NRXN3: variants seen among roughly 807,000 people sequenced by gnomAD.
NRXN3 encodes neurexin 3.
Under a neutral mutation model 137.6 loss-of-function variants are expected in NRXN3, and 32 were observed. The ratio of observed to expected loss-of-function variants is 0.23; its 90% CI spans 0.18 to 0.31. The LOEUF (loss-of-function observed/expected upper bound fraction) is 0.31, where lower values mean the gene tolerates loss of function less well. Ranked by LOEUF, NRXN3 falls within the 10% of genes least tolerant of loss-of-function variation. The pLI is 1.00. For synonymous variants in NRXN3, 798 were observed against 784.5 expected, an observed-to-expected ratio of 1.02 and a Z score of -0.29; for missense variants, 1,574 against 2,062.5, an observed-to-expected ratio of 0.76 and a Z score of 4.59.
intron 10 of NRXN3, among the ~76,000 whole-genome samples, chr14:78,870,398 A>C (rs1457720822): frequency 1.3e-5 from 2 of 152,168 alleles, no homozygotes; most frequent in Non-Finnish European, 2.9e-5. Context: ...ATTATTATGA[A>C]TACATTCCAG....
intron 9 of NRXN3, among the ~76,000 whole-genome samples, chr14:78,810,093 GTA>G (rs1266610792): frequency 6.6e-6 from 1 of 151,106 alleles, no homozygotes; most frequent in African/African-American, 2.4e-5. Flanking sequence ...ATACATATGT[GTA>G]TATATATGTG....
Position 79,424,822 on chromosome 14 carries a change from T to A in NRXN3, c.3263-42399T>A, listed in dbSNP as rs368630647. 2.1e-4 allele frequency among the ~76,000 whole-genome samples: 32 copies of A among 152,320 alleles called. 2 individuals carry two copies. In the East Asian group the frequency reaches 3.7e-3, roughly 17 times the overall value. ...TTCTGGGATTATGCAGGCGATACTT[T>A]GCTTTTGGAAAGAATGAAATATAGG... On this transcript the variant is annotated intron_variant, in intron 15 of 20. Coordinates refer to ENST00000335750, the MANE Select transcript of NRXN3 (RefSeq NM_001330195.2).
At chr14:78,332,855 T>C (rs1379357233) in intron 4 of NRXN3, among the ~76,000 whole-genome samples, 2 of 152,074 alleles carry the variant, frequency 1.3e-5, no homozygotes, top group African/African-American at 4.8e-5. Context: ...GTATCACACT[T>C]TGTAATTTTC....
chr14:78,503,041 A>G (rs1466030349), intron 4 of NRXN3, among the ~76,000 whole-genome samples: 1 of 152,178 alleles, frequency 6.6e-6, no homozygotes, highest in African/African-American at 2.4e-5. Flanking sequence ...AAGCAGTGCC[A>G]TATTATTTTA....
intron 15 of NRXN3, among the ~76,000 whole-genome samples, chr14:79,145,381 A>T (rs923523795): frequency 6.6e-6 from 1 of 152,180 alleles, no homozygotes; most frequent in Non-Finnish European, 1.5e-5. Context: ...ACCGAAAGTC[A>T]TATCTCACTT....
rs1432043442 is a variant in NRXN3 at position 78,183,630 on chromosome 14, T to C, written c.-704+12956T>C. On this transcript the variant is annotated intron_variant, in intron 1 of 20. Coordinates refer to ENST00000335750, the MANE Select transcript of NRXN3 (RefSeq NM_001330195.2). ...TCCTGCAGGTGAGTGAGTCTGCACATGGGGACAAGTGCCCCGTGAGATAGA... is the reference window on the plus strand; with the variant it reads ...TCCTGCAGGTGAGTGAGTCTGCACACGGGGACAAGTGCCCCGTGAGATAGA... Among the ~76,000 whole-genome samples, 4 of 152,206 alleles carry C rather than the reference T, an allele frequency of 2.6e-5. No individual in the cohort carries two copies. The East Asian group carries it at 7.7e-4, about 29-fold the overall frequency.
intron 4 of NRXN3, among the ~76,000 whole-genome samples, chr14:78,385,907 AT>A (rs2089904770): frequency 6.6e-6 from 1 of 152,156 alleles, no homozygotes; most frequent in African/African-American, 2.4e-5. Flanking sequence ...ACCTGTGACA[AT>A]TGTTAGACCA....
At chr14:78,843,723 T>G (rs2099019084) in intron 10 of NRXN3, among the ~76,000 whole-genome samples, 1 of 152,128 alleles carries the variant, frequency 6.6e-6, no homozygotes, top group African/African-American at 2.4e-5. Flanking sequence ...AATTAGGAGT[T>G]TCTGCTCCTG....
intron 6 of NRXN3, among the ~76,000 whole-genome samples, chr14:78,661,837 AGCT>A (rs2097844305): frequency 6.6e-6 from 1 of 152,020 alleles, no homozygotes; most frequent in African/African-American, 2.4e-5. Flanking sequence ...CATGTAAAAT[AGCT>A]GACATGTAGA....
At chr14:79,497,833 G>A (rs897958398) in intron 16 of NRXN3, among the ~76,000 whole-genome samples, 3 of 152,012 alleles carry the variant, frequency 2.0e-5, no homozygotes, top group African/African-American at 4.8e-5. Flanking sequence ...TCAGGAGCTC[G>A]AGACCAGCCT....
chr14:79,131,249 G>A (rs1011742471), intron 15 of NRXN3, among the ~76,000 whole-genome samples: 2 of 152,232 alleles, frequency 1.3e-5, no homozygotes, highest in Non-Finnish European at 2.9e-5. Flanking sequence ...AGGAGGAGAG[G>A]TGCTCTGCTT....
intron 19 of NRXN3, among the ~76,000 whole-genome samples, chr14:79,705,957 G>GCAGT (rs1567953627): frequency 2.0e-5 from 3 of 152,096 alleles, no homozygotes; most frequent in African/African-American, 7.2e-5. Context: ...AGAGTAATAC[G>GCAGT]CAGTCAATGT....
At chr14:78,463,458 C>A (rs1014259058) in intron 4 of NRXN3, among the ~76,000 whole-genome samples, 1 of 151,560 alleles carries the variant, frequency 6.6e-6, no homozygotes, top group Non-Finnish European at 1.5e-5. Context: ...ATCTTTAGTT[C>A]TTTGAGAAAT....
intron 15 of NRXN3, among the ~76,000 whole-genome samples, chr14:79,165,035 G>C (rs2153076612): frequency 6.6e-6 from 1 of 152,042 alleles, no homozygotes; most frequent in Non-Finnish European, 1.5e-5. Flanking sequence ...CTCTTAATGT[G>C]TTTGCAACTA....
intron 9 of NRXN3, among the ~76,000 whole-genome samples, chr14:78,804,932 A>G (rs1372121015): frequency 2.6e-5 from 4 of 152,202 alleles, no homozygotes; most frequent in Non-Finnish European, 5.9e-5. Flanking sequence ...CCTTATAAAG[A>G]TTTCAGTGAA....
chr14:78,551,960 C>T (rs149420341), intron 4 of NRXN3, among the ~76,000 whole-genome samples: 1 of 152,124 alleles, frequency 6.6e-6, no homozygotes, highest in Non-Finnish European at 1.5e-5. Flanking sequence ...CAGTGATCCC[C>T]AGACTTTGCT....
intron 16 of NRXN3, among the ~76,000 whole-genome samples, chr14:79,522,143 T>C (rs1458276819): frequency 6.6e-6 from 1 of 152,130 alleles, no homozygotes; most frequent in African/African-American, 2.4e-5. Context: ...ATCATGGTAC[T>C]TCTGTGGAAC....
chr14:79,805,534 G>A (rs1045988046), intron 20 of NRXN3, among the ~76,000 whole-genome samples: 5 of 152,018 alleles, frequency 3.3e-5, no homozygotes, highest in Admixed American at 2.0e-4. Context: ...AATTCACAGA[G>A]GGTGGGAACA....
intron 4 of NRXN3, among the ~76,000 whole-genome samples, chr14:78,518,158 A>G (rs1038527335): frequency 6.6e-6 from 1 of 152,190 alleles, no homozygotes; most frequent in African/African-American, 2.4e-5. Context: ...GAGTTAAGGC[A>G]TATATGCCCA....
Sources: allele counts gnomAD v4.1 joint callset (sites outside exome capture counted in the v4.1 genomes callset), GRCh38; gene constraint gnomAD v4.1.1; transcripts MANE v1.5; gene names NCBI Gene and HGNC (gene_info 2026-07-23, HGNC 2026-07-21).